The following CLYBL variants were observed in gnomAD, a reference collection of about 807,000 sequenced individuals.
The protein encoded by CLYBL is citramalyl-CoA lyase, also known as citramalyl-CoA lyase, mitochondrial.
CLYBL carries 31 observed loss-of-function variants against 38.9 expected under a neutral mutation model. That is an observed-to-expected ratio of 0.80 (90% CI 0.60 to 1.08). The LOEUF (loss-of-function observed/expected upper bound fraction) is 1.08, where lower values mean the gene tolerates loss of function less well. Ranked by LOEUF, CLYBL falls within the 50% of genes least tolerant of loss-of-function variation. The probability of loss-of-function intolerance (pLI) is 0.00; values close to 1 mark genes in which losing one functional copy is unlikely to be tolerated. For missense variants in CLYBL, 434 were observed against 411.6 expected, an observed-to-expected ratio of 1.05 and a Z score of -0.47; for synonymous variants, 171 against 158.6, an observed-to-expected ratio of 1.08 and a Z score of -0.59.
At chr13:99,737,735 T>G (rs1223394007) in intron 1 of CLYBL, among the ~76,000 whole-genome samples, 1 of 152,236 alleles carries the variant, frequency 6.6e-6, no homozygotes, top group Non-Finnish European at 1.5e-5. Flanking sequence ...ACCAGGTTCC[T>G]TGTTTGTCCC....
intron 2 of CLYBL, among the ~76,000 whole-genome samples, chr13:99,793,309 G>T (rs2049957359): frequency 6.6e-6 from 1 of 152,122 alleles, no homozygotes; most frequent in African/African-American, 2.4e-5. Context: ...ATTAGGATGG[G>T]AAGGCTCCTC....
chr13:99,871,982 C>T (rs1193093077), intron 7 of CLYBL, among the ~76,000 whole-genome samples: 1 of 139,778 alleles, frequency 7.2e-6, no homozygotes, highest in Non-Finnish European at 1.5e-5. Context: ...ATTAAACATT[C>T]CCCCCTGCAA....
intron 2 of CLYBL, among the ~76,000 whole-genome samples, chr13:99,799,394 T>TACACAC (rs2050086752): frequency 4.3e-5 from 1 of 23,026 alleles, no homozygotes; most frequent in Non-Finnish European, 8.0e-5. Context: ...CACACACACA[T>TACACAC]ACACACACAC....
rs140015166 is a variant in CLYBL at position 99,813,668 on chromosome 13, C to T, written c.249+40658C>T. Among the ~76,000 whole-genome samples, 231 of 152,246 alleles carry T rather than the reference C, an allele frequency of 1.5e-3. 1 individual carries two copies. Among genetic ancestry groups the T allele is most frequent in the Non-Finnish European group, 3.0e-3 (201 of 68,016 alleles). On this transcript the variant is annotated intron_variant, in intron 2 of 8. Transcript: ENST00000339105. ...GTCTTCATCTGTAAAATGGGGATAG[C>T]GACAGGCTTGTCACACAGAGTGGAT...
At chr13:99,645,997 A>C (rs527426661) in intron 1 of CLYBL, among the ~76,000 whole-genome samples, 1 of 152,094 alleles carries the variant, frequency 6.6e-6, no homozygotes, top group Non-Finnish European at 1.5e-5. Flanking sequence ...GAAATTCCCT[A>C]ATTTAAACTT....
At chr13:99,672,286 G>A (rs1230211881) in intron 1 of CLYBL, among the ~76,000 whole-genome samples, 1 of 149,966 alleles carries the variant, frequency 6.7e-6, no homozygotes, top group Non-Finnish European at 1.5e-5. Flanking sequence ...AGCTCACTGC[G>A]ACCACAAACT....
At chr13:99,775,515 T>G (rs2049492650) in intron 2 of CLYBL, among the ~76,000 whole-genome samples, 1 of 152,090 alleles carries the variant, frequency 6.6e-6, no homozygotes. Flanking sequence ...CAGCTAAAAT[T>G]TCATTAAAAA....
chr13:99,868,875 G>A (rs1032839369), intron 6 of CLYBL, among the ~76,000 whole-genome samples: 8 of 152,078 alleles, frequency 5.3e-5, no homozygotes, highest in Non-Finnish European at 1.2e-4. Flanking sequence ...GCAGTCTATT[G>A]TAGAAGACAA....
chr13:99,775,095 T>C (rs1051081715), intron 2 of CLYBL, among the ~76,000 whole-genome samples: 10 of 152,204 alleles, frequency 6.6e-5, no homozygotes, highest in African/African-American at 2.4e-4. Context: ...AATCCTGTAG[T>C]AATCATGATT....
chr13:99,673,058 G>A (rs939586895), intron 1 of CLYBL, among the ~76,000 whole-genome samples: 12 of 152,158 alleles, frequency 7.9e-5, no homozygotes, highest in Non-Finnish European at 1.8e-4. Context: ...GGTAACAACA[G>A]AGATAAATAA....
intron 1 of CLYBL, among the ~76,000 whole-genome samples, chr13:99,772,552 G>A (rs1339357769): frequency 6.6e-6 from 1 of 152,076 alleles, no homozygotes; most frequent in Admixed American, 6.6e-5. Flanking sequence ...CAAAAAATTA[G>A]CCAGGCATGG....
At chr13:99,879,967 G>A (rs551790134) in intron 7 of CLYBL, among the ~76,000 whole-genome samples, 137 of 151,480 alleles carry the variant, frequency 9.0e-4, no homozygotes, top group Non-Finnish European at 9.0e-4. Context: ...CATGACAGTG[G>A]TGTGGCCACA....
chr13:99,792,483 C>T (rs532482486), intron 2 of CLYBL, among the ~76,000 whole-genome samples: 49 of 152,258 alleles, frequency 3.2e-4, no homozygotes, highest in Non-Finnish European at 6.3e-4. Context: ...CCAGGAGGGC[C>T]GCCTTGTTGC....
At chr13:99,783,406 T>C (rs2138849087) in intron 2 of CLYBL, among the ~76,000 whole-genome samples, 1 of 152,206 alleles carries the variant, frequency 6.6e-6, no homozygotes, top group East Asian at 1.9e-4. Context: ...ATTTGGTTCT[T>C]CTACATATCT....
At chr13:99,630,518 C>G (rs998086651) in intron 1 of CLYBL, among the ~76,000 whole-genome samples, 7 of 152,114 alleles carry the variant, frequency 4.6e-5, no homozygotes, top group Admixed American at 1.3e-4. Context: ...ATGAACTTTG[C>G]CTATTTCACA....
chr13:99,731,800 CTT>C (rs1020816361), intron 1 of CLYBL, among the ~76,000 whole-genome samples: 40 of 152,276 alleles, frequency 2.6e-4, no homozygotes, highest in African/African-American at 8.9e-4. Context: ...ATTTTAACCT[CTT>C]TGTTTCTAGC....
intron 2 of CLYBL, among the ~76,000 whole-genome samples, chr13:99,834,903 G>A (rs751874260): frequency 6.6e-6 from 1 of 152,116 alleles, no homozygotes; most frequent in Non-Finnish European, 1.5e-5. Flanking sequence ...TGATGTGATC[G>A]AGATCCTAAG....
chr13:99,906,766 G>A (rs924436104), intron 9 of CLYBL, among the ~76,000 whole-genome samples: 11 of 152,186 alleles, frequency 7.2e-5, no homozygotes, highest in African/African-American at 2.4e-4. Context: ...TTGGGCTGGA[G>A]AGCATTTTAA....
intron 1 of CLYBL, among the ~76,000 whole-genome samples, chr13:99,646,697 T>TG (rs2047182076): frequency 6.9e-6 from 1 of 145,248 alleles, no homozygotes; most frequent in African/African-American, 2.6e-5. Flanking sequence ...TTTTTTTTTT[T>TG]GTATTTTTAG....
Sources: gnomAD v4.1 joint callset for allele counts (sites outside exome capture counted in the v4.1 genomes callset) on GRCh38, gnomAD v4.1.1 for gene constraint, MANE v1.5 for transcripts, NCBI Gene and HGNC (gene_info 2026-07-23, HGNC 2026-07-21) for gene names.